GLS: variants seen among roughly 807,000 people sequenced by gnomAD.
The protein encoded by GLS is glutaminase.
A neutral mutation model predicts 86.7 loss-of-function variants in GLS; 36 were observed. That is an observed-to-expected ratio of 0.42 (90% CI 0.32 to 0.55). The LOEUF is 0.55. Ranked by LOEUF, GLS falls within the 20% of genes least tolerant of loss-of-function variation. The pLI is 0.17. For missense variants in GLS, 528 were observed against 833.4 expected (o/e 0.63, Z 4.51); for synonymous variants, 317 against 305.9 (o/e 1.04, Z -0.38).
intron 1 of GLS, among the ~76,000 whole-genome samples, chr2:190,892,333 A>C (rs116681356): frequency 0.011 from 1,725 of 152,268 alleles, 18 homozygotes; most frequent in Non-Finnish European, 0.018. Context: ...TTTCCTTCAG[A>C]TTATCTTCTG....
rs189985687 is a variant in GLS, at chr2:190,955,630, T to C, written c.1853+812T>C. Reference sequence around the variant, plus strand: ...TTATAGTAGAATGATTTATAATCTTTTGGGTATATACCCAGTAATGGGATT... The same window carrying C: ...TTATAGTAGAATGATTTATAATCTTCTGGGTATATACCCAGTAATGGGATT... On this transcript the variant is annotated intron_variant, in intron 17 of 17. Coordinates refer to ENST00000320717, the MANE Select transcript of GLS (RefSeq NM_014905.5). The surrounding 1 kb of genome is among the most constrained non-coding windows in gnomAD (Gnocchi z 5.6). Among the ~76,000 whole-genome samples the C allele has an allele frequency of 2.0e-3, 311 of 152,352 alleles. 1 individual carries two copies. Among genetic ancestry groups the C allele is most frequent in the African/African-American group, 7.1e-3 (296 of 41,572 alleles).
intron 1 of GLS, among the ~76,000 whole-genome samples, chr2:190,891,913 G>C (rs771625252): frequency 1.6e-4 from 25 of 151,928 alleles, no homozygotes; most frequent in Non-Finnish European, 3.1e-4. Flanking sequence ...TGGTCTGTTT[G>C]CCAGAAATCT....
In GLS at chr2:190,941,621, C is replaced by T. The variant is rs543368140; in HGVS notation, c.1650+9984C>T. ...GGTTGGTTTTCACTGGAAGGTAATA[C>T]AGTGTGTAAGTTTTGAAGGAGTCAG... On this transcript the variant is annotated intron_variant, in intron 14 of 17. Coordinates refer to ENST00000320717, the MANE Select transcript of GLS (RefSeq NM_014905.5). Among the ~76,000 whole-genome samples, 7 of 151,886 alleles carry T rather than the reference C, an allele frequency of 4.6e-5. No homozygotes were observed. In the South Asian group the frequency reaches 1.5e-3, roughly 32 times the overall value.
At position 190,900,683 on chromosome 2, in the gene GLS, C is replaced by A; in HGVS notation, c.725C>A (p.Ser242Tyr). Reference sequence around the variant, plus strand: ...TTATATGAAAGTGCTAAAAAGCAGTCTGGAGGAAAGGTAATGCTTTTGATG... The same window carrying A: ...TTATATGAAAGTGCTAAAAAGCAGTATGGAGGAAAGGTAATGCTTTTGATG... Reference protein sequence around the residue: ...DELYESAKKQSGGKVADYIPQ... With the variant: ...DELYESAKKQYGGKVADYIPQ... Residue 242 changes from serine (S) to tyrosine (Y), a missense_variant, in exon 4 of 18, where the codon TCT becomes TAT. Coordinates refer to ENST00000320717, the MANE Select transcript of GLS (RefSeq NM_014905.5). 2 of 1,606,458 alleles carry A rather than the reference C, an allele frequency of 1.2e-6. No homozygotes were observed. Among genetic ancestry groups the A allele is most frequent in the Non-Finnish European group, 8.5e-7 (1 of 1,174,390 alleles).
chr2:190,933,891 A>G, intron 14 of GLS: 2 of 911,760 alleles, frequency 2.2e-6, no homozygotes, highest in East Asian at 1.2e-4. Context: ...GTATGCTACT[A>G]AAATACGTTA....
chr2:190,943,818 A>AT lies in GLS; in HGVS notation c.1651-9746dup, dbSNP rs1393081675. On this transcript the variant is annotated intron_variant, in intron 14 of 17. Transcript: ENST00000320717. The surrounding 1 kb of genome is among the most constrained non-coding windows in gnomAD (Gnocchi z 4.5). ...AAGCACACATGTTGAACGTTTCACA[A>AT]TAGAAATGTGAAATAAACATTGAAG... is the stretch of plus-strand genomic sequence containing the variant. 6.6e-6 allele frequency among the ~76,000 whole-genome samples: 1 copy of AT among 152,222 alleles called. No homozygotes were observed. Among genetic ancestry groups the AT allele is most frequent in the East Asian group, 1.9e-4 (1 of 5,200 alleles).
At chr2:190,915,564 C>T (rs2124881632) in intron 7 of GLS, among the ~76,000 whole-genome samples, 1 of 152,264 alleles carries the variant, frequency 6.6e-6, no homozygotes, top group Non-Finnish European at 1.5e-5. Context: ...ACTTGGAATT[C>T]TTTCCAAGGA....
intron 14 of GLS, among the ~76,000 whole-genome samples, chr2:190,940,335 A>T (rs1164823998): frequency 1.3e-5 from 2 of 152,048 alleles, no homozygotes; most frequent in Non-Finnish European, 2.9e-5. Context: ...ATCTGATGAA[A>T]TTACAGTACA....
chr2:190,880,901 CAG>C lies in GLS; in HGVS notation c.-183_-182del, dbSNP rs1688119531. On this transcript the variant is annotated 5_prime_UTR_variant, in exon 1 of 18. Transcript: ENST00000320717. ...GCAGCAGCAGCAGCAGCAGCAGCAGCAGCAGCAGCAGCAGCAGCACCCGCATC... is the reference window on the plus strand; with the variant it reads ...GCAGCAGCAGCAGCAGCAGCAGCAGCCAGCAGCAGCAGCAGCACCCGCATC... The C allele has an allele frequency of 3.3e-6, 3 of 919,848 alleles. No homozygotes were observed. The highest frequency in any genetic ancestry group is 3.4e-5 in the African/African-American group (2 of 59,390). The allele number at this position is 919,848 out of a possible 1,614,324, so 57.0% of individuals were successfully genotyped here.
chr2:190,930,373 T>C lies in GLS; in HGVS notation c.1426-64T>C. The C allele has an allele frequency of 3.1e-6, 4 of 1,273,954 alleles. No individual in the cohort carries two copies. Among genetic ancestry groups the C allele is most frequent in the South Asian group, 1.2e-5 (1 of 82,458 alleles). 78.9% of individuals were successfully genotyped at this position (1,273,954 alleles called of 1,614,324 possible). On this transcript the variant is annotated intron_variant, in intron 12 of 17. Coordinates refer to ENST00000320717, the MANE Select transcript of GLS (RefSeq NM_014905.5). This position sits in a 1 kb window ranked among gnomAD's most constrained non-coding sequence, Gnocchi z 5.0. Reference sequence around the variant, plus strand: ...GTGCCCAGCCCCAGTTTCCCTATTGTTGAACATAACATTTCTTATTTTAAA... The same window carrying C: ...GTGCCCAGCCCCAGTTTCCCTATTGCTGAACATAACATTTCTTATTTTAAA...
Position 190,954,667 on chromosome 2 carries a change from C to G in GLS, c.1789+7C>G. 1.9e-6 allele frequency: 3 copies of G among 1,607,794 alleles called. No homozygotes were observed. The highest frequency in any genetic ancestry group is 2.6e-6 in the Non-Finnish European group (3 of 1,174,248). On this transcript the variant is annotated splice_region_variant and intron_variant, in intron 16 of 17. Transcript: ENST00000320717. This position sits in a 1 kb window ranked among gnomAD's most constrained non-coding sequence, Gnocchi z 4.0. ...CATGTAGCTGCTGCAGAGGGTAATA[C>G]AGGAACTACTCCTATCTATTTTCTT...
At chr2:190,904,173 G>C (rs1689049798) in intron 5 of GLS, among the ~76,000 whole-genome samples, 1 of 151,770 alleles carries the variant, frequency 6.6e-6, no homozygotes, top group African/African-American at 2.4e-5. Context: ...CCAGGATTGT[G>C]AGTGGATGTG....
rs996732045 is a variant in GLS, at chr2:190,943,324, C to G, written c.1651-10241C>G. ...TCAGTATGAAGAGTAGTATTTGAAG[C>G]TGGGGTGGTGTGTGAGATTGCTTAA... On this transcript the variant is annotated intron_variant, in intron 14 of 17. Coordinates refer to ENST00000320717, the MANE Select transcript of GLS (RefSeq NM_014905.5). This position sits in a 1 kb window ranked among gnomAD's most constrained non-coding sequence, Gnocchi z 4.5. Among the ~76,000 whole-genome samples, 8 of 152,042 alleles carry G rather than the reference C, an allele frequency of 5.3e-5. No homozygotes were observed. Among genetic ancestry groups the G allele is most frequent in the African/African-American group, 1.9e-4 (8 of 41,390 alleles).
At position 190,943,048 on chromosome 2, in the gene GLS, T is replaced by C. The variant is rs1309946120; in HGVS notation, c.1651-10517T>C. On this transcript the variant is annotated intron_variant, in intron 14 of 17. Coordinates refer to ENST00000320717, the MANE Select transcript of GLS (RefSeq NM_014905.5). This position sits in a 1 kb window ranked among gnomAD's most constrained non-coding sequence, Gnocchi z 4.5. Reference sequence around the variant, plus strand: ...TTACTGGAAACTCACCTGACGCTCATTGACCAGACTAACTGCAAGGGAATC... The same window carrying C: ...TTACTGGAAACTCACCTGACGCTCACTGACCAGACTAACTGCAAGGGAATC... Among the ~76,000 whole-genome samples the C allele has an allele frequency of 6.6e-6, 1 of 152,226 alleles. No individual in the cohort carries two copies. The highest frequency in any genetic ancestry group is 1.5e-5 in the Non-Finnish European group (1 of 68,046).
chr2:190,961,110 T>A (rs1396390734), intron 17 of GLS, among the ~76,000 whole-genome samples: 1 of 152,238 alleles, frequency 6.6e-6, no homozygotes, highest in Non-Finnish European at 1.5e-5. Context: ...AAAAGTGAGC[T>A]AAGTAACTAA....
At chr2:190,906,442 T>A (rs1192280162) in intron 6 of GLS, among the ~76,000 whole-genome samples, 2 of 152,124 alleles carry the variant, frequency 1.3e-5, no homozygotes, top group Non-Finnish European at 2.9e-5. Context: ...AGTAATGAAT[T>A]TTTTTGCCAT....
chr2:190,881,481 C>T lies in GLS; in HGVS notation c.386+11C>T. 1 of 1,536,852 alleles carries T rather than the reference C, an allele frequency of 6.5e-7. No homozygotes were observed. The highest frequency in any genetic ancestry group is 8.8e-7 in the Non-Finnish European group (1 of 1,140,714). On this transcript the variant is annotated intron_variant, in intron 1 of 17. Transcript: ENST00000320717. ...GGCCTCAGGTGAAAAGTGAGTGTCT[C>T]CGCGAGGCGCAGGAGGCCTCGTTCC...
At position 190,913,430 on chromosome 2, in the gene GLS, A is replaced by G; in HGVS notation, c.1038+3109A>G. 1.1e-6 allele frequency: 1 copy of G among 931,628 alleles called. No individual in the cohort carries two copies. The highest frequency in any genetic ancestry group is 1.4e-6 in the Non-Finnish European group (1 of 737,394). The allele number at this position is 931,628 out of a possible 1,614,324, so 57.7% of individuals were successfully genotyped here. On this transcript the variant is annotated intron_variant, in intron 7 of 17. Transcript: ENST00000320717. This position sits in a 1 kb window ranked among gnomAD's most constrained non-coding sequence, Gnocchi z 6.1. ...AATGCACATAATTTTTAAAAATCAT[A>G]AGGGTATTATACTTCCTCTCTTTTT...
At chr2:190,933,610 A>G (rs923738222) in intron 14 of GLS, 7 of 949,422 alleles carry the variant, frequency 7.4e-6, no homozygotes, top group African/African-American at 3.5e-5. Flanking sequence ...ATAAAAAGCT[A>G]TAATGGTTAG....
Sources: allele counts gnomAD v4.1 joint callset (sites outside exome capture counted in the v4.1 genomes callset), GRCh38; gene constraint gnomAD v4.1.1; non-coding constraint Gnocchi (gnomAD v3.1); transcripts MANE v1.5; gene names NCBI Gene and HGNC (gene_info 2026-07-23, HGNC 2026-07-21).